HHIPL1: variants seen among roughly 807,000 people sequenced by gnomAD.
The protein encoded by HHIPL1 is HHIP like 1.
Under a neutral mutation model 61.8 loss-of-function variants are expected in HHIPL1, and 43 were observed. That is an observed-to-expected ratio of 0.70 (90% confidence interval 0.55 to 0.90). The LOEUF (loss-of-function observed/expected upper bound fraction) is 0.90, where lower values mean the gene tolerates loss of function less well. Among genes scored for constraint, HHIPL1 ranks in the 40% least tolerant of loss-of-function variants. The pLI, the probability that HHIPL1 is intolerant of heterozygous loss-of-function variation, is 0.00. For synonymous variants in HHIPL1, 482 were observed against 515.8 expected (o/e 0.93, Z 0.89); for missense variants, 1,056 against 1,157.7 (o/e 0.91, Z 1.28).
rs144827737 is a variant in HHIPL1 at position 99,657,097 on chromosome 14, G to A, written c.1000G>A (p.Gly334Arg). ...GYLYIFTGDG[G>R]MAGDPFGTFG... Reference sequence around the variant, plus strand: ...CCTCTACATCTTCACTGGAGATGGCGGGATGGCCGGAGACCCCTTTGGGAC... The same window carrying A: ...CCTCTACATCTTCACTGGAGATGGCAGGATGGCCGGAGACCCCTTTGGGAC... Residue 334 changes from glycine (G) to arginine (R), a missense_variant, in exon 3 of 9, where the codon GGG (glycine) becomes AGG (arginine). By Grantham distance (125) the Gly-to-Arg change is moderately radical. Coordinates refer to ENST00000330710, the MANE Select transcript of HHIPL1 (RefSeq NM_001127258.3). 4.7e-5 allele frequency: 76 copies of A among 1,613,386 alleles called. No individual in the cohort carries two copies. Among genetic ancestry groups the A allele is most frequent in the East Asian group, 4.2e-4 (19 of 44,800 alleles).
Position 99,660,131 on chromosome 14 carries a change from CA to C in HHIPL1, c.1376-148del. The C allele has an allele frequency of 1.5e-6, 1 of 656,312 alleles. No homozygotes were observed. Among genetic ancestry groups the C allele is most frequent in the Non-Finnish European group, 2.2e-6 (1 of 447,732 alleles). The allele number at this position is 656,312 out of a possible 1,614,324, so 40.7% of individuals were successfully genotyped here. On this transcript the variant is annotated intron_variant, in intron 4 of 8. Transcript: ENST00000330710. This position sits in a 1 kb window ranked among gnomAD's most constrained non-coding sequence, Gnocchi z 4.9. ...CCTGCAGACACGCTTTCCACCACGC[CA>C]GCCCTGCTGTGGGCACGCCAGCCCT...
chr14:99,648,700 G>A (rs573851441), intron 1 of HHIPL1, among the ~76,000 whole-genome samples: 20 of 152,310 alleles, frequency 1.3e-4, no homozygotes, highest in African/African-American at 4.6e-4. Context: ...CCAGGGATGG[G>A]ACAGTCAGAG....
chr14:99,623,772 C>T, the HHIPL1 span, among the ~76,000 whole-genome samples: 32 of 152,198 alleles, frequency 2.1e-4, no homozygotes, highest in African/African-American at 7.2e-4. Context: ...CAGGCAGTGC[C>T]AGACTCCCCT....
chr14:99,604,541 G>A, the HHIPL1 span: 4 of 152,126 alleles, frequency 2.6e-5, no homozygotes, highest in Non-Finnish European at 5.9e-5. Context: ...GCCGGCTCCC[G>A]GCGGTTCAAG....
chr14:99,651,878 A>G (rs190195817), intron 1 of HHIPL1, among the ~76,000 whole-genome samples: 30 of 152,304 alleles, frequency 2.0e-4, no homozygotes, highest in African/African-American at 6.5e-4. Context: ...AGTTAAGTGC[A>G]GCAGTGAGCT....
intron 1 of HHIPL1, among the ~76,000 whole-genome samples, chr14:99,648,895 C>A (rs376144066): frequency 3.3e-5 from 5 of 152,190 alleles, no homozygotes; most frequent in Admixed American, 3.3e-4. Context: ...CCATGAGTCA[C>A]GAGTGTCAGT....
chr14:99,634,231 T>C, the HHIPL1 span, among the ~76,000 whole-genome samples: 3 of 152,156 alleles, frequency 2.0e-5, no homozygotes, highest in Admixed American at 6.5e-5. Context: ...TGCACTTCTA[T>C]TGAGGCTGGG....
At chr14:99,637,224 GAAAGAAAGAAAGAAAGA>G in the HHIPL1 span, among the ~76,000 whole-genome samples, 1 of 135,944 alleles carries the variant, frequency 7.4e-6, no homozygotes, top group South Asian at 2.3e-4. Context: ...AAGAAAGAAA[GAAAGAAAGAAAGAAAGA>G]AAGAAAGAAA....
At chr14:99,673,087 C>T (rs1293297029) in intron 8 of HHIPL1, among the ~76,000 whole-genome samples, 1 of 152,188 alleles carries the variant, frequency 6.6e-6, no homozygotes, top group African/African-American at 2.4e-5. Context: ...TTAAAAACCA[C>T]TCCGCGAGCC....
intron 5 of HHIPL1, among the ~76,000 whole-genome samples, chr14:99,662,181 G>A (rs775292642): frequency 2.6e-5 from 4 of 151,992 alleles, no homozygotes; most frequent in African/African-American, 7.2e-5. Context: ...CCCGAGCCAG[G>A]GAGACAGACC....
chr14:99,634,918 G>A, the HHIPL1 span, among the ~76,000 whole-genome samples: 2 of 152,158 alleles, frequency 1.3e-5, no homozygotes, highest in Non-Finnish European at 2.9e-5. Flanking sequence ...CACACAGACT[G>A]GAGGGCAGTG....
the HHIPL1 span, among the ~76,000 whole-genome samples, chr14:99,618,485 G>T: frequency 6.9e-6 from 1 of 145,834 alleles, no homozygotes; most frequent in Non-Finnish European, 1.5e-5. Context: ...CCTCATGGTT[G>T]CCAGGCCTGG....
rs200294318 is a variant in HHIPL1, at chr14:99,660,537, A to AG, written c.1502+133dup. Reference sequence around the variant, plus strand: ...CCTCGCTGCTCTGACAGGGGCCCCTAGGTGTGGGCCGGACACCCGCATCCA... The same window carrying AG: ...CCTCGCTGCTCTGACAGGGGCCCCTAGGGTGTGGGCCGGACACCCGCATCCA... On this transcript the variant is annotated intron_variant, in intron 5 of 8. Transcript: ENST00000330710. The surrounding 1 kb of genome is among the most constrained non-coding windows in gnomAD (Gnocchi z 4.9). 25,155 of 1,174,486 alleles carry AG rather than the reference A, an allele frequency of 0.021. 319 individuals carry two copies. The highest frequency in any genetic ancestry group is 0.025 in the Non-Finnish European group (20,737 of 827,514). 72.8% of individuals were successfully genotyped at this position (1,174,486 alleles called of 1,614,324 possible). A position where few individuals can be genotyped will look rare whatever the true frequency, so the allele number is the denominator to read the frequency against.
the HHIPL1 span, among the ~76,000 whole-genome samples, chr14:99,623,181 G>A: frequency 2.6e-5 from 4 of 152,192 alleles, no homozygotes; most frequent in African/African-American, 9.7e-5. Context: ...GCCAGCTCGG[G>A]CTTTTATCCT....
At chr14:99,666,295 G>A (rs80025477) in intron 6 of HHIPL1, among the ~76,000 whole-genome samples, 3,166 of 152,268 alleles carry the variant, frequency 0.021, 98 homozygotes, top group African/African-American at 0.072. Flanking sequence ...CTTTTGCTTC[G>A]GAGGCAGCTT....
upstream of HHIPL1, among the ~76,000 whole-genome samples, chr14:99,643,086 G>A (rs780298124): frequency 6.6e-6 from 1 of 151,964 alleles, no homozygotes; most frequent in African/African-American, 2.4e-5. Context: ...TGTCACCCAG[G>A]CTGGAGTGCA....
chr14:99,652,252 A>G lies in HHIPL1; in HGVS notation c.284A>G (p.Tyr95Cys). Residue 95 changes from tyrosine to cysteine, a missense_variant, in exon 2 of 9, where the codon TAT (tyrosine) becomes TGT (cysteine). Coordinates refer to ENST00000330710, the MANE Select transcript of HHIPL1 (RefSeq NM_001127258.3). ...TGCTCGCCGTATGCAGCCCACCTCT[A>G]TGACGCCGAGGACCCATTCACGCCC... ...QECSPYAAHL[Y>C]DAEDPFTPLR... 2 of 1,609,864 alleles carry G rather than the reference A, an allele frequency of 1.2e-6. No homozygotes were observed. Among genetic ancestry groups the G allele is most frequent in the Non-Finnish European group, 1.7e-6 (2 of 1,177,510 alleles).
the HHIPL1 span, among the ~76,000 whole-genome samples, chr14:99,636,220 C>T: frequency 6.6e-6 from 1 of 152,092 alleles, no homozygotes; most frequent in South Asian, 2.1e-4. Flanking sequence ...GGAATACTTG[C>T]CGCTGAGTCC....
At position 99,668,125 on chromosome 14, in the gene HHIPL1, C is replaced by T; in HGVS notation, c.1649-97C>T. ...CGTGATGGCTAGCTGGGGTTGGGGT[C>T]TATTTCCAAGCCTGCAGGGAGCCGG... On this transcript the variant is annotated intron_variant, in intron 6 of 8. Coordinates refer to ENST00000330710, the MANE Select transcript of HHIPL1 (RefSeq NM_001127258.3). This position sits in a 1 kb window ranked among gnomAD's most constrained non-coding sequence, Gnocchi z 4.7. 1.3e-6 allele frequency: 1 copy of T among 778,276 alleles called. No individual in the cohort carries two copies. 48.2% of individuals were successfully genotyped at this position (778,276 alleles called of 1,614,324 possible).
Sources: allele counts gnomAD v4.1 joint callset (sites outside exome capture counted in the v4.1 genomes callset), GRCh38; gene constraint gnomAD v4.1.1; non-coding constraint Gnocchi (gnomAD v3.1); transcripts MANE v1.5; gene names NCBI Gene and HGNC (gene_info 2026-07-23, HGNC 2026-07-21).